Variants in ALG12 observed in about 807,000 individuals in gnomAD.
ALG12 encodes ALG12 alpha-1,6-mannosyltransferase.
Under a neutral mutation model 46.0 loss-of-function variants are expected in ALG12, and 36 were observed. The observed-to-expected ratio is 0.78, with a 90% CI of 0.60 to 1.03. The LOEUF is 1.03. ALG12 is among the 50% of genes least tolerant of loss of function. The pLI, the probability that ALG12 is intolerant of heterozygous loss-of-function variation, is 0.00. For missense variants in ALG12, 599 were observed against 633.5 expected (o/e 0.95, Z 0.58); for synonymous variants, 326 against 291.6 (o/e 1.12, Z -1.20).
intron 3 of ALG12, 101 bp from the exon 4 acceptor site, chr22:49,910,708 T>C (rs1214077019): frequency 7.3e-7 from 1 of 1,373,408 alleles, no homozygotes; most frequent in Non-Finnish European, 1.0e-6. Flanking sequence ...TATGGAGTTT[T>C]CTATGCTGCT....
Position 49,910,191 on chromosome 22 carries a change from C to T in ALG12, c.470-103G>A. 2.2e-6 allele frequency: 3 copies of T among 1,363,930 alleles called. No individual in the cohort carries two copies. The South Asian group carries it at 4.0e-5, about 18-fold the overall frequency. The allele number at this position is 1,363,930 out of a possible 1,614,324, so 84.5% of individuals were successfully genotyped here. A position where few individuals can be genotyped will look rare whatever the true frequency, so the allele number is the denominator to read the frequency against. ...TGATTCCTTTTCCTATTATAAAAGCCACACAAATATCCCAGAAAAGAAACT... is the reference window on the plus strand; with the variant it reads ...TGATTCCTTTTCCTATTATAAAAGCTACACAAATATCCCAGAAAAGAAACT... On this transcript the variant is annotated intron_variant, in intron 4 of 9. Transcript: ENST00000330817.
the ALG12 span, chr22:49,884,563 A>G: frequency 1.1e-5 from 18 of 1,613,358 alleles, no homozygotes; most frequent in Non-Finnish European, 1.5e-5. Flanking sequence ...GCCACTGGAC[A>G]ACTCCAAAGC....
the ALG12 span, chr22:49,885,735 G>A: frequency 6.2e-7 from 1 of 1,604,898 alleles, no homozygotes; most frequent in Non-Finnish European, 8.5e-7. Flanking sequence ...TGAAACCTCA[G>A]TACTCCCTCC....
rs1055630910 is a variant in ALG12 at position 49,903,382 on chromosome 22, C to A, written c.*456G>T. 2.2e-6 allele frequency: 1 copy of A among 456,244 alleles called. No individual in the cohort carries two copies. Among genetic ancestry groups the A allele is most frequent in the Non-Finnish European group, 4.4e-6 (1 of 227,616 alleles). 28.3% of individuals were successfully genotyped at this position (456,244 alleles called of 1,614,324 possible). A position where few individuals can be genotyped will look rare whatever the true frequency, so the allele number is the denominator to read the frequency against. ...GGGGTGCGGCCGGGGCCACCATGGT[C>A]TCCCCTGAGAGGGGGTGCTGTCTTA... On this transcript the variant is annotated 3_prime_UTR_variant, in exon 10 of 10. Coordinates refer to ENST00000330817, the MANE Select transcript of ALG12 (RefSeq NM_024105.4).
the ALG12 span, among the ~76,000 whole-genome samples, chr22:49,868,928 A>G: frequency 6.7e-6 from 1 of 148,542 alleles, no homozygotes; most frequent in Non-Finnish European, 1.5e-5. Context: ...CCTGACCAAC[A>G]TGGAGAAACT....
At chr22:49,894,361 A>G in the ALG12 span, among the ~76,000 whole-genome samples, 1 of 152,256 alleles carries the variant, frequency 6.6e-6, no homozygotes, top group African/African-American at 2.4e-5. Flanking sequence ...GTCAGCAAGC[A>G]TATTAAATGT....
At chr22:49,916,842 G>A (rs898101007) in intron 1 of ALG12, among the ~76,000 whole-genome samples, 1 of 152,212 alleles carries the variant, frequency 6.6e-6, no homozygotes, top group Non-Finnish European at 1.5e-5. Context: ...GATGTGGGAG[G>A]TGCACACAGC....
At chr22:49,909,461 T>C (rs2060562955) in intron 5 of ALG12, 114 bp from the exon 6 acceptor site, 1 of 1,117,360 alleles carries the variant, frequency 8.9e-7, no homozygotes, top group Non-Finnish European at 1.3e-6. Flanking sequence ...ATAAAAGAGG[T>C]TGGGCAGGGT....
chr22:49,908,070 C>T (rs2060553852), intron 6 of ALG12, 126 bp from the exon 7 acceptor site: 6 of 942,958 alleles, frequency 6.4e-6, no homozygotes, highest in Non-Finnish European at 8.0e-6. Flanking sequence ...GACCACGGCT[C>T]GTGTGCACAG....
chr22:49,884,960 C>G, the ALG12 span: 1 of 1,612,080 alleles, frequency 6.2e-7, no homozygotes, highest in Non-Finnish European at 8.5e-7. Flanking sequence ...AAGCAGCAGG[C>G]TGATGGGCTG....
At chr22:49,886,324 G>A in the ALG12 span, 27 of 1,593,400 alleles carry the variant, frequency 1.7e-5, no homozygotes, top group South Asian at 7.8e-5. The surrounding 1 kb of genome is among the most constrained non-coding windows in gnomAD (Gnocchi z 7.7). Context: ...CATCCAGGAC[G>A]TCCCGTCCAA....
intron 7 of ALG12, 114 bp from the exon 8 acceptor site, chr22:49,904,620 A>G: frequency 8.2e-7 from 1 of 1,213,918 alleles, no homozygotes; most frequent in Admixed American, 2.0e-5. Flanking sequence ...AGTCATAACA[A>G]AGAGTTCACC....
chr22:49,888,834 G>A, the ALG12 span: 1 of 167,250 alleles, frequency 6.0e-6, no homozygotes, highest in Non-Finnish European at 1.5e-5. Context: ...AGAGGAGGTG[G>A]GGTCCATGGC....
chr22:49,874,341 A>G, the ALG12 span, among the ~76,000 whole-genome samples: 162 of 151,912 alleles, frequency 1.1e-3, 1 homozygote, highest in Non-Finnish European at 2.2e-3. Flanking sequence ...TCTACATCGA[A>G]TGACGTGCCC....
At chr22:49,888,358 A>C in the ALG12 span, 1 of 167,180 alleles carries the variant, frequency 6.0e-6, no homozygotes, top group Non-Finnish European at 1.5e-5. Flanking sequence ...ACGTACGCTT[A>C]ATCTAAATTT....
At chr22:49,895,746 T>G (rs1287801401), downstream of ALG12, among the ~76,000 whole-genome samples, 1 of 152,186 alleles carries the variant, frequency 6.6e-6, no homozygotes, top group East Asian at 1.9e-4. Context: ...CAATTAACAT[T>G]TAGTTTATTG....
downstream of ALG12, among the ~76,000 whole-genome samples, chr22:49,899,403 G>C (rs1449647325): frequency 6.6e-6 from 1 of 151,626 alleles, no homozygotes; most frequent in African/African-American, 2.4e-5. Context: ...ACTCGAGCCT[G>C]GGAGGCGGAG....
the ALG12 span, among the ~76,000 whole-genome samples, chr22:49,860,747 C>T: frequency 1.3e-5 from 2 of 151,286 alleles, no homozygotes; most frequent in Non-Finnish European, 2.9e-5. Context: ...ATAAAAGCTA[C>T]CTTTCTTATC....
chr22:49,897,639 A>G (rs1223105768), downstream of ALG12, among the ~76,000 whole-genome samples: 4 of 140,558 alleles, frequency 2.8e-5, no homozygotes, highest in African/African-American at 5.2e-5. Context: ...TGAGGGGTCT[A>G]TTCAGATCTT....
Sources: allele counts gnomAD v4.1 joint callset (sites outside exome capture counted in the v4.1 genomes callset), GRCh38; gene constraint gnomAD v4.1.1; non-coding constraint Gnocchi (gnomAD v3.1); transcripts MANE v1.5; gene names NCBI Gene and HGNC (gene_info 2026-07-23, HGNC 2026-07-21).